GRIK2: variants seen among roughly 807,000 people sequenced by gnomAD.
GRIK2 encodes glutamate receptor ionotropic, kainate 2.
In GRIK2, 32 loss-of-function variants were observed where a neutral mutation model predicts 100.3. The ratio of observed to expected loss-of-function variants is 0.32; its 90% CI spans 0.24 to 0.43. The LOEUF (loss-of-function observed/expected upper bound fraction) is 0.43, where lower values mean the gene tolerates loss of function less well. Among genes scored for constraint, GRIK2 ranks in the 20% least tolerant of loss-of-function variants. The pLI, the probability that GRIK2 is intolerant of heterozygous loss-of-function variation, is 1.00. For missense variants in GRIK2, 843 were observed against 1,114.9 expected (o/e 0.76, Z 3.47); for synonymous variants, 417 against 389.4 (o/e 1.07, Z -0.83).
intron 2 of GRIK2, among the ~76,000 whole-genome samples, chr6:101,617,192 G>C (rs1468017685): frequency 6.6e-6 from 1 of 151,632 alleles, no homozygotes; most frequent in Non-Finnish European, 1.5e-5. Flanking sequence ...TCTATGTAAA[G>C]TGCACACATG....
intron 7 of GRIK2, among the ~76,000 whole-genome samples, chr6:101,725,117 A>G (rs1214864807): frequency 6.6e-6 from 1 of 152,070 alleles, no homozygotes; most frequent in Non-Finnish European, 1.5e-5. Flanking sequence ...ATGGCTTTAC[A>G]CGGGTAATAA....
Position 101,996,052 on chromosome 6 carries a change from A to G in GRIK2, c.2086-39289A>G, listed in dbSNP as rs551719487. 3.9e-5 allele frequency among the ~76,000 whole-genome samples: 6 copies of G among 152,074 alleles called. No homozygotes were observed. The East Asian group carries it at 1.2e-3, about 30-fold the overall frequency. ...CTAAAAATCCACCGTGAGCTTGCTG[A>G]GTAAATTGTTTCAGATTTGATCCCT... On this transcript the variant is annotated intron_variant, in intron 14 of 16. Transcript: ENST00000369134.
At chr6:101,502,458 C>A (rs147621101) in intron 2 of GRIK2, among the ~76,000 whole-genome samples, 1 of 151,634 alleles carries the variant, frequency 6.6e-6, no homozygotes, top group African/African-American at 2.4e-5. Context: ...AATGTGAATG[C>A]ACTGAAATAA....
chr6:101,749,656 A>G (rs1261631800), intron 7 of GRIK2, among the ~76,000 whole-genome samples: 1 of 152,096 alleles, frequency 6.6e-6, no homozygotes, highest in Non-Finnish European at 1.5e-5. Flanking sequence ...GTATGGAGAA[A>G]AGTGATTTTC....
intron 2 of GRIK2, among the ~76,000 whole-genome samples, chr6:101,412,475 A>G (rs1408357417): frequency 1.3e-5 from 2 of 152,070 alleles, no homozygotes; most frequent in Non-Finnish European, 2.9e-5. Context: ...GGTTGGATAG[A>G]GATTCCAAAG....
chr6:101,671,448 ATTTAG>A (rs1770427330), intron 4 of GRIK2, among the ~76,000 whole-genome samples: 1 of 152,120 alleles, frequency 6.6e-6, no homozygotes, highest in Non-Finnish European at 1.5e-5. Context: ...TCTCTTTACT[ATTTAG>A]TTTAATGGGA....
intron 7 of GRIK2, among the ~76,000 whole-genome samples, chr6:101,788,716 G>T (rs1196494874): frequency 6.6e-6 from 1 of 152,122 alleles, no homozygotes; most frequent in Admixed American, 6.6e-5. Flanking sequence ...AGTCCTTTGG[G>T]CATATACCCA....
intron 10 of GRIK2, among the ~76,000 whole-genome samples, chr6:101,828,829 A>G (rs935154268): frequency 2.6e-5 from 4 of 151,984 alleles, no homozygotes; most frequent in Admixed American, 6.6e-5. Context: ...GAATTCTATT[A>G]TATGCACAAA....
At chr6:101,682,650 T>C (rs766418862) in intron 6 of GRIK2, 44 bp downstream of exon 6, 54 of 827,182 alleles carry the variant, frequency 6.5e-5, no homozygotes, top group Middle Eastern at 5.7e-4. Flanking sequence ...TTTATTATTA[T>C]GACTTTTTCA....
At chr6:101,807,053 A>G (rs1202393690) in intron 9 of GRIK2, among the ~76,000 whole-genome samples, 4 of 151,964 alleles carry the variant, frequency 2.6e-5, no homozygotes, top group African/African-American at 9.7e-5. Context: ...TGAATGAATA[A>G]AGAATCTTTA....
At chr6:102,014,459 C>A (rs566800603) in intron 14 of GRIK2, among the ~76,000 whole-genome samples, 2 of 151,846 alleles carry the variant, frequency 1.3e-5, no homozygotes, top group East Asian at 3.9e-4. Context: ...GGTCTGATTT[C>A]GGTTATTTCT....
At chr6:101,608,298 G>A (rs936045809) in intron 2 of GRIK2, among the ~76,000 whole-genome samples, 4 of 151,674 alleles carry the variant, frequency 2.6e-5, no homozygotes, top group African/African-American at 7.3e-5. Flanking sequence ...ATTTAACCAT[G>A]CATTTTAACG....
chr6:101,736,464 A>G (rs896591156), intron 7 of GRIK2, among the ~76,000 whole-genome samples: 1 of 152,184 alleles, frequency 6.6e-6, no homozygotes, highest in Non-Finnish European at 1.5e-5. Context: ...GAGGTTCCCA[A>G]ACCGCATTTC....
chr6:101,981,497 C>T lies in GRIK2; in HGVS notation c.2085+52865C>T, dbSNP rs1793711272. 2.0e-5 allele frequency among the ~76,000 whole-genome samples: 3 copies of T among 151,854 alleles called. No individual in the cohort carries two copies. The South Asian group carries it at 6.2e-4, about 31-fold the overall frequency. ...CCAGAGTCTACTAAACACTAATAGT[C>T]AAGTTAAAGAGATAAATTATCTTTT... On this transcript the variant is annotated intron_variant, in intron 14 of 16. Coordinates refer to ENST00000369134, the MANE Select transcript of GRIK2 (RefSeq NM_021956.5).
At chr6:101,722,653 G>C (rs1490212208) in intron 7 of GRIK2, among the ~76,000 whole-genome samples, 1 of 151,994 alleles carries the variant, frequency 6.6e-6, no homozygotes, top group Non-Finnish European at 1.5e-5. Context: ...ATACAAAGAG[G>C]GATGGATGCC....
At chr6:101,746,062 T>G (rs1228632018) in intron 7 of GRIK2, among the ~76,000 whole-genome samples, 1 of 152,216 alleles carries the variant, frequency 6.6e-6, no homozygotes, top group Non-Finnish European at 1.5e-5. Context: ...ACTTTACTGC[T>G]TTCTCTGTTG....
chr6:101,525,210 T>G (rs1289297177), intron 2 of GRIK2, among the ~76,000 whole-genome samples: 1 of 152,230 alleles, frequency 6.6e-6, no homozygotes, highest in Non-Finnish European at 1.5e-5. Flanking sequence ...ATTTAAATGT[T>G]AGTCTAAGAA....
intron 7 of GRIK2, among the ~76,000 whole-genome samples, chr6:101,700,253 T>C (rs1388052971): frequency 1.3e-5 from 2 of 151,926 alleles, no homozygotes; most frequent in Non-Finnish European, 2.9e-5. Flanking sequence ...TTGTTATTGT[T>C]ATTATTTTAG....
chr6:101,842,441 T>C (rs1783568663), intron 10 of GRIK2, among the ~76,000 whole-genome samples: 1 of 152,172 alleles, frequency 6.6e-6, no homozygotes, highest in East Asian at 1.9e-4. Context: ...CTAATGATCC[T>C]TTTTTCTATA....
Sources: allele counts gnomAD v4.1 joint callset (sites outside exome capture counted in the v4.1 genomes callset), GRCh38; gene constraint gnomAD v4.1.1; transcripts MANE v1.5; gene names NCBI Gene and HGNC (gene_info 2026-07-23, HGNC 2026-07-21).